The following HS3ST3A1 variants were observed in gnomAD, a reference collection of about 807,000 sequenced individuals.
HS3ST3A1 encodes the protein heparan sulfate-glucosamine 3-sulfotransferase 3A1, also known as heparan sulfate glucosamine 3-O-sulfotransferase 3A1.
A neutral mutation model predicts 25.7 loss-of-function variants in HS3ST3A1; 19 were observed. The observed-to-expected ratio is 0.74, with a 90% CI of 0.52 to 1.08. The LOEUF (loss-of-function observed/expected upper bound fraction) is 1.08. HS3ST3A1 is among the 50% of genes least tolerant of loss of function. The probability of loss-of-function intolerance (pLI) is 0.00; values close to 1 mark genes in which losing one functional copy is unlikely to be tolerated. For synonymous variants in HS3ST3A1, 226 were observed against 278.6 expected (o/e 0.81, Z 1.88); for missense variants, 459 against 594.3 (o/e 0.77, Z 2.37).
At chr17:13,516,325 T>A (rs748763415) in intron 1 of HS3ST3A1, among the ~76,000 whole-genome samples, 29 of 151,866 alleles carry the variant, frequency 1.9e-4, no homozygotes, top group Non-Finnish European at 2.9e-4. Flanking sequence ...AATAAAAAAA[T>A]AAATAAATAA....
At chr17:13,546,230 C>T (rs1907084972) in intron 1 of HS3ST3A1, among the ~76,000 whole-genome samples, 1 of 152,106 alleles carries the variant, frequency 6.6e-6, no homozygotes, top group African/African-American at 2.4e-5. Context: ...GCCTCTGAAA[C>T]CATTTCTACA....
chr17:13,522,708 G>T (rs1433888037), intron 1 of HS3ST3A1, among the ~76,000 whole-genome samples: 2 of 152,076 alleles, frequency 1.3e-5, no homozygotes, highest in Admixed American at 6.6e-5. Context: ...AATGGCATTT[G>T]CTGTCAGTTG....
intron 1 of HS3ST3A1, among the ~76,000 whole-genome samples, chr17:13,503,513 T>C (rs1905556554): frequency 6.6e-6 from 1 of 152,224 alleles, no homozygotes. Context: ...TTACATTGTA[T>C]ATATATTGAA....
chr17:13,578,296 T>A (rs577279816), intron 1 of HS3ST3A1, among the ~76,000 whole-genome samples: 19 of 150,974 alleles, frequency 1.3e-4, no homozygotes, highest in African/African-American at 4.6e-4. Context: ...GCCTGTAATC[T>A]CAGAGCTTTG....
chr17:13,535,231 G>A (rs77847486), intron 1 of HS3ST3A1, among the ~76,000 whole-genome samples: 2,326 of 152,100 alleles, frequency 0.015, 56 homozygotes, highest in African/African-American at 0.053. Context: ...CTAAACTCAT[G>A]GCCAATAGTG....
chr17:13,524,419 G>C (rs113193948), intron 1 of HS3ST3A1, among the ~76,000 whole-genome samples: 129 of 152,066 alleles, frequency 8.5e-4, no homozygotes, highest in African/African-American at 2.9e-3. Context: ...TACCACACCC[G>C]GCTAATTTTT....
At chr17:13,542,606 A>G (rs1906967018) in intron 1 of HS3ST3A1, among the ~76,000 whole-genome samples, 1 of 151,964 alleles carries the variant, frequency 6.6e-6, no homozygotes, top group African/African-American at 2.4e-5. Context: ...GCACTTTGTT[A>G]TGGTAGCCTG....
chr17:13,548,933 G>GTGCTCTGTAAAATGA (rs1567620821), intron 1 of HS3ST3A1, among the ~76,000 whole-genome samples: 10 of 151,708 alleles, frequency 6.6e-5, no homozygotes, highest in African/African-American at 2.4e-4. Context: ...CTGTAAAATG[G>GTGCTCTGTAAAATGA]ACCAATCAGC....
intron 1 of HS3ST3A1, among the ~76,000 whole-genome samples, chr17:13,543,321 C>T (rs1256023277): frequency 1.3e-5 from 2 of 151,996 alleles, no homozygotes; most frequent in Non-Finnish European, 1.5e-5. Flanking sequence ...TTGATGGTGT[C>T]GGAACTGAAT....
intron 1 of HS3ST3A1, among the ~76,000 whole-genome samples, chr17:13,581,874 G>A (rs2142383257): frequency 6.6e-6 from 1 of 152,222 alleles, no homozygotes; most frequent in South Asian, 2.1e-4. Flanking sequence ...ATTTAGATAA[G>A]AATAAATAAA....
chr17:13,558,931 A>C (rs907405640), intron 1 of HS3ST3A1, among the ~76,000 whole-genome samples: 7 of 152,226 alleles, frequency 4.6e-5, no homozygotes, highest in Non-Finnish European at 1.0e-4. Flanking sequence ...CAATGGTTTA[A>C]GGCTTGAGCT....
intron 1 of HS3ST3A1, among the ~76,000 whole-genome samples, chr17:13,596,280 C>G (rs1404170603): frequency 6.6e-6 from 1 of 151,884 alleles, no homozygotes; most frequent in Non-Finnish European, 1.5e-5. Flanking sequence ...AATAGTGTCC[C>G]CAAACTGTTC....
chr17:13,586,880 A>C (rs1165986898), intron 1 of HS3ST3A1, among the ~76,000 whole-genome samples: 20 of 25,842 alleles, frequency 7.7e-4, no homozygotes, highest in Non-Finnish European at 1.4e-3. Context: ...ACAAAAAAAA[A>C]AAAAAAAAAA....
chr17:13,512,319 A>C (rs1017737546), intron 1 of HS3ST3A1, among the ~76,000 whole-genome samples: 2 of 150,828 alleles, frequency 1.3e-5, no homozygotes, highest in African/African-American at 4.9e-5. Flanking sequence ...AAAAAAAAAA[A>C]AAAAAAAACT....
chr17:13,548,638 C>A (rs565303553), intron 1 of HS3ST3A1, among the ~76,000 whole-genome samples: 2 of 152,114 alleles, frequency 1.3e-5, no homozygotes, highest in Non-Finnish European at 2.9e-5. Flanking sequence ...GCTTCTGGGT[C>A]GGGCGGGGAC....
At chr17:13,574,174 C>G (rs1404033861) in intron 1 of HS3ST3A1, among the ~76,000 whole-genome samples, 1 of 146,340 alleles carries the variant, frequency 6.8e-6, no homozygotes, top group African/African-American at 2.6e-5. Flanking sequence ...CACTCTATCA[C>G]TCAGGCTGGA....
At chr17:13,560,707 G>A (rs1452470400) in intron 1 of HS3ST3A1, among the ~76,000 whole-genome samples, 1 of 152,058 alleles carries the variant, frequency 6.6e-6, no homozygotes, top group Non-Finnish European at 1.5e-5. Context: ...ATTAACTATT[G>A]CAATTCCATT....
intron 1 of HS3ST3A1, among the ~76,000 whole-genome samples, chr17:13,526,516 T>TATATATA (rs1567614552): frequency 3.5e-5 from 3 of 85,498 alleles, no homozygotes; most frequent in Non-Finnish European, 5.0e-5. Context: ...ATATATATAT[T>TATATATA]ATTGGGTTGG....
At chr17:13,501,374 C>A (rs562027410) in intron 1 of HS3ST3A1, among the ~76,000 whole-genome samples, 2 of 152,122 alleles carry the variant, frequency 1.3e-5, no homozygotes, top group Admixed American at 6.5e-5. Flanking sequence ...TATTTTACTA[C>A]AATTTTTTTA....
Sources: gnomAD v4.1 joint callset for allele counts (sites outside exome capture counted in the v4.1 genomes callset) on GRCh38, gnomAD v4.1.1 for gene constraint, MANE v1.5 for transcripts, NCBI Gene and HGNC (gene_info 2026-07-23, HGNC 2026-07-21) for gene names.